The following HDAC9 variants were observed in gnomAD, a reference collection of about 807,000 sequenced individuals.
HDAC9 encodes the protein histone deacetylase 9, also known as MEF-2 interacting transcription repressor (MITR) protein.
Under a neutral mutation model 139.4 loss-of-function variants are expected in HDAC9, and 41 were observed. The ratio of observed to expected loss-of-function variants is 0.29; its 90% confidence interval spans 0.23 to 0.38. The LOEUF (loss-of-function observed/expected upper bound fraction) is 0.38, where lower values mean the gene tolerates loss of function less well. HDAC9 is among the 10% of genes least tolerant of loss of function. The pLI is 1.00. For missense variants in HDAC9, 1,147 were observed against 1,297.0 expected (o/e 0.88, Z 1.78); for synonymous variants, 517 against 476.2 (o/e 1.09, Z -1.12).
At chr7:18,788,614 G>C (rs1467855194) in intron 16 of HDAC9, among the ~76,000 whole-genome samples, 1 of 151,992 alleles carries the variant, frequency 6.6e-6, no homozygotes, top group African/African-American at 2.4e-5. Context: ...AATTAACTCA[G>C]TGTGGTGGCG....
At chr7:18,866,634 T>C (rs996570672) in intron 21 of HDAC9, among the ~76,000 whole-genome samples, 2 of 152,208 alleles carry the variant, frequency 1.3e-5, no homozygotes, top group Non-Finnish European at 2.9e-5. Context: ...AGGGACTCAA[T>C]AAATTACTTC....
chr7:18,587,302 C>T (rs1372747196), intron 3 of HDAC9, among the ~76,000 whole-genome samples: 5 of 151,944 alleles, frequency 3.3e-5, no homozygotes, highest in African/African-American at 1.2e-4. Context: ...AAAGTGGCTC[C>T]TGTGAGAAAA....
chr7:18,431,009 C>T (rs1790594237), intron 1 of HDAC9, among the ~76,000 whole-genome samples: 1 of 129,998 alleles, frequency 7.7e-6, no homozygotes, highest in Non-Finnish European at 1.6e-5. Context: ...CATTGCTTAT[C>T]CTATCTTGTC....
At chr7:18,558,124 T>C (rs1281126294) in intron 2 of HDAC9, among the ~76,000 whole-genome samples, 1 of 152,158 alleles carries the variant, frequency 6.6e-6, no homozygotes, top group Non-Finnish European at 1.5e-5. Context: ...CAGCTTTTTT[T>C]CCATTTAGAA....
At chr7:18,821,223 G>T (rs1427853898) in intron 17 of HDAC9, among the ~76,000 whole-genome samples, 3 of 152,202 alleles carry the variant, frequency 2.0e-5, no homozygotes, top group East Asian at 1.9e-4. Context: ...CTGCTTAAAG[G>T]CCCTACCATT....
rs115124854 is a variant in HDAC9 at position 18,711,008 on chromosome 7, A to G, written c.1732-16572A>G. Among the ~76,000 whole-genome samples the G allele has an allele frequency of 3.6e-3, 550 of 152,358 alleles. 7 individuals carry two copies. The highest frequency in any genetic ancestry group is 0.013 in the African/African-American group (521 of 41,590). On this transcript the variant is annotated intron_variant, in intron 12 of 25. Transcript: ENST00000686413. ...GCAATTTGATTTACTCATCTTCTGAATATCTTCTGCAGGTGTAGTAATAAT... is the reference window on the plus strand; with the variant it reads ...GCAATTTGATTTACTCATCTTCTGAGTATCTTCTGCAGGTGTAGTAATAAT...
chr7:18,319,981 A>C (rs1193276132), intron 1 of HDAC9, among the ~76,000 whole-genome samples: 1 of 152,222 alleles, frequency 6.6e-6, no homozygotes, highest in Non-Finnish European at 1.5e-5. Flanking sequence ...TTCAGGTCCA[A>C]ATGTTAACCT....
intron 1 of HDAC9, among the ~76,000 whole-genome samples, chr7:18,322,339 AT>A (rs1800092634): frequency 6.6e-6 from 1 of 152,158 alleles, no homozygotes; most frequent in Admixed American, 6.6e-5. Flanking sequence ...AGAAAGGGAT[AT>A]TGAGTGTAAC....
intron 2 of HDAC9, among the ~76,000 whole-genome samples, chr7:18,533,358 A>G (rs921930457): frequency 6.6e-6 from 1 of 151,702 alleles, no homozygotes; most frequent in Non-Finnish European, 1.5e-5. Flanking sequence ...TCTTTCTTGG[A>G]TTCTTGTAGC....
rs144991044 is a variant in HDAC9, at chr7:18,264,569, C to T, written c.25+102220C>T. Among the ~76,000 whole-genome samples the T allele has an allele frequency of 4.5e-3, 686 of 152,058 alleles. 6 individuals are homozygous for T. Among genetic ancestry groups the T allele is most frequent in the African/African-American group, 0.016 (659 of 41,480 alleles). On this transcript the variant is annotated intron_variant, in intron 2 of 12. Transcript: ENST00000417496. ...CTCATTGCCATGATGAAATTGGATACGGGAGATGTTAGCTTGCTAAAAATG... is the reference window on the plus strand; with the variant it reads ...CTCATTGCCATGATGAAATTGGATATGGGAGATGTTAGCTTGCTAAAAATG...
chr7:18,583,907 A>G (rs1185393966), intron 2 of HDAC9, among the ~76,000 whole-genome samples: 2 of 152,170 alleles, frequency 1.3e-5, no homozygotes, highest in African/African-American at 2.4e-5. Flanking sequence ...CCAGTTTGCC[A>G]CAGTTTCCCC....
chr7:18,441,824 A>C (rs1013310257), intron 1 of HDAC9, among the ~76,000 whole-genome samples: 9 of 152,100 alleles, frequency 5.9e-5, no homozygotes, highest in African/African-American at 2.2e-4. Flanking sequence ...GCTGGAGTGC[A>C]TGGCGCCATC....
chr7:18,750,571 A>C (rs1470807467), intron 14 of HDAC9, among the ~76,000 whole-genome samples: 2 of 152,110 alleles, frequency 1.3e-5, no homozygotes, highest in East Asian at 3.9e-4. Flanking sequence ...TCCTCAGTGC[A>C]AGTCTATTAC....
chr7:18,928,229 G>A (rs1443539469), intron 22 of HDAC9, among the ~76,000 whole-genome samples: 1 of 152,132 alleles, frequency 6.6e-6, no homozygotes, highest in Non-Finnish European at 1.5e-5. Context: ...AATTCCATTT[G>A]CAATTTTGTA....
At chr7:18,558,295 G>A (rs539787262) in intron 2 of HDAC9, among the ~76,000 whole-genome samples, 7 of 152,126 alleles carry the variant, frequency 4.6e-5, no homozygotes, top group African/African-American at 1.4e-4. Context: ...GTGTATTTCC[G>A]GTTATTGGTG....
intron 1 of HDAC9, among the ~76,000 whole-genome samples, chr7:18,423,478 CG>C (rs1250878574): frequency 6.6e-6 from 1 of 152,178 alleles, no homozygotes; most frequent in Non-Finnish European, 1.5e-5. Context: ...ATAGATTTAA[CG>C]AAGCACTATT....
At chr7:18,606,853 A>G (rs918227853) in intron 6 of HDAC9, among the ~76,000 whole-genome samples, 1 of 152,164 alleles carries the variant, frequency 6.6e-6, no homozygotes, top group Non-Finnish European at 1.5e-5. Flanking sequence ...AATTGCTCTC[A>G]TGGATGTTTA....
intron 2 of HDAC9, among the ~76,000 whole-genome samples, chr7:18,256,552 G>A (rs1276654870): frequency 1.3e-5 from 2 of 152,252 alleles, no homozygotes; most frequent in East Asian, 3.9e-4. Flanking sequence ...CATTGCTTTA[G>A]CATAATTCAT....
At chr7:18,971,677 G>T (rs978540546) in intron 24 of HDAC9, among the ~76,000 whole-genome samples, 21 of 152,202 alleles carry the variant, frequency 1.4e-4, no homozygotes, top group African/African-American at 5.1e-4. Context: ...CATTATTAAT[G>T]TAGAATATTT....
Sources: gnomAD v4.1 joint callset for allele counts (sites outside exome capture counted in the v4.1 genomes callset) on GRCh38, gnomAD v4.1.1 for gene constraint, MANE v1.5 for transcripts, NCBI Gene and HGNC (gene_info 2026-07-23, HGNC 2026-07-21) for gene names.